The following KCND2 variants were observed in gnomAD, a reference collection of about 807,000 sequenced individuals.
KCND2 encodes A-type voltage-gated potassium channel KCND2.
In KCND2, 16 loss-of-function variants were observed where a neutral mutation model predicts 54.4. That is an observed-to-expected ratio of 0.29 (90% confidence interval 0.20 to 0.45). KCND2 has a LOEUF of 0.45. KCND2 is among the 20% of genes least tolerant of loss of function. The pLI is 1.00. For synonymous variants in KCND2, 317 were observed against 310.7 expected, an observed-to-expected ratio of 1.02 and a Z score of -0.21; for missense variants, 486 against 824.2, an observed-to-expected ratio of 0.59 and a Z score of 5.02.
At chr7:120,686,992 C>T (rs185253143) in intron 1 of KCND2, among the ~76,000 whole-genome samples, 2 of 152,256 alleles carry the variant, frequency 1.3e-5, no homozygotes, top group African/African-American at 2.4e-5. Flanking sequence ...CTGACAATCA[C>T]CTGATGGTCA....
intron 1 of KCND2, among the ~76,000 whole-genome samples, chr7:120,643,741 T>C (rs1290677175): frequency 1.3e-5 from 2 of 151,214 alleles, no homozygotes. Context: ...TGTCAAAAAA[T>C]ATATACACAC....
intron 1 of KCND2, among the ~76,000 whole-genome samples, chr7:120,372,142 G>A (rs1442715577): frequency 1.3e-5 from 2 of 151,828 alleles, no homozygotes; most frequent in Admixed American, 6.6e-5. Flanking sequence ...TAGATATAAG[G>A]TATAAGATCT....
At chr7:120,615,205 T>A (rs1793008532) in intron 1 of KCND2, among the ~76,000 whole-genome samples, 1 of 152,014 alleles carries the variant, frequency 6.6e-6, no homozygotes, top group African/African-American at 2.4e-5. Flanking sequence ...CTCTTCTTAG[T>A]TTTTTTTATT....
intron 1 of KCND2, among the ~76,000 whole-genome samples, chr7:120,703,111 G>A (rs544570398): frequency 6.6e-6 from 1 of 152,250 alleles, no homozygotes; most frequent in South Asian, 2.1e-4. Flanking sequence ...GGGTTAAATA[G>A]CAATGTTTAG....
intron 1 of KCND2, among the ~76,000 whole-genome samples, chr7:120,462,900 A>C (rs1004211705): frequency 2.0e-5 from 3 of 152,070 alleles, no homozygotes; most frequent in African/African-American, 7.2e-5. Context: ...AAATAACAGA[A>C]TACTAATAAT....
intron 1 of KCND2, among the ~76,000 whole-genome samples, chr7:120,577,710 C>T (rs768719494): frequency 6.6e-6 from 1 of 152,168 alleles, no homozygotes; most frequent in Non-Finnish European, 1.5e-5. Flanking sequence ...CTCAGCCTCT[C>T]ACGTAACTGG....
intron 1 of KCND2, among the ~76,000 whole-genome samples, chr7:120,441,619 G>A (rs2116194766): frequency 6.6e-6 from 1 of 152,074 alleles, no homozygotes; most frequent in East Asian, 1.9e-4. Flanking sequence ...GAGAAAATGG[G>A]ACATAGAAAA....
At chr7:120,530,198 A>G (rs1449807147) in intron 1 of KCND2, among the ~76,000 whole-genome samples, 1 of 152,230 alleles carries the variant, frequency 6.6e-6, no homozygotes, top group African/African-American at 2.4e-5. Context: ...GGATTCTTAT[A>G]ACACAAAGTA....
chr7:120,557,988 G>T (rs773478894), intron 1 of KCND2, among the ~76,000 whole-genome samples: 4 of 152,026 alleles, frequency 2.6e-5, no homozygotes, highest in Non-Finnish European at 5.9e-5. Flanking sequence ...GTCCTAATTG[G>T]CTAACTTTCT....
chr7:120,722,555 G>A (rs945247476), intron 1 of KCND2, among the ~76,000 whole-genome samples: 1 of 152,126 alleles, frequency 6.6e-6, no homozygotes, highest in Non-Finnish European at 1.5e-5. Flanking sequence ...AGATAAATAG[G>A]TGGCAAAATT....
chr7:120,638,518 C>T (rs557854222), intron 1 of KCND2, among the ~76,000 whole-genome samples: 34 of 152,202 alleles, frequency 2.2e-4, no homozygotes, highest in South Asian at 8.3e-4. Context: ...ATTTGCTTTA[C>T]CAACTTTCAA....
chr7:120,399,153 A>G (rs987906248), intron 1 of KCND2, among the ~76,000 whole-genome samples: 17 of 151,878 alleles, frequency 1.1e-4, no homozygotes, highest in Non-Finnish European at 2.4e-4. Context: ...AGTGTTGGCT[A>G]TTGTATATAC....
intron 1 of KCND2, among the ~76,000 whole-genome samples, chr7:120,590,078 C>T (rs1240549628): frequency 6.6e-6 from 1 of 151,996 alleles, no homozygotes; most frequent in Non-Finnish European, 1.5e-5. Flanking sequence ...GCAATGGCGG[C>T]GAACTCGATC....
intron 1 of KCND2, among the ~76,000 whole-genome samples, chr7:120,499,401 TA>T (rs1229844825): frequency 1.3e-5 from 2 of 151,650 alleles, no homozygotes; most frequent in East Asian, 1.9e-4. Flanking sequence ...GAAAACCACG[TA>T]TTTTTTTCCT....
chr7:120,716,383 C>G (rs1792603559), intron 1 of KCND2, among the ~76,000 whole-genome samples: 1 of 152,058 alleles, frequency 6.6e-6, no homozygotes. Context: ...TCTTTGCTCT[C>G]TTCTCCACAC....
intron 1 of KCND2, among the ~76,000 whole-genome samples, chr7:120,327,353 A>G (rs976838874): frequency 6.6e-6 from 1 of 152,124 alleles, no homozygotes; most frequent in Non-Finnish European, 1.5e-5. Flanking sequence ...AATTATTACT[A>G]AATTCAGAAT....
intron 1 of KCND2, among the ~76,000 whole-genome samples, chr7:120,647,923 T>TG (rs1793462577): frequency 6.6e-6 from 1 of 152,204 alleles, no homozygotes. Context: ...GATATAGATA[T>TG]TTATCTTGTT....
chr7:120,635,949 G>C (rs906191252), intron 1 of KCND2, among the ~76,000 whole-genome samples: 38 of 152,174 alleles, frequency 2.5e-4, no homozygotes, highest in African/African-American at 7.9e-4. Flanking sequence ...TCATTTGTTT[G>C]CCTGGGGCTA....
At chr7:120,453,226 A>G (rs934491425) in intron 1 of KCND2, among the ~76,000 whole-genome samples, 10 of 152,146 alleles carry the variant, frequency 6.6e-5, no homozygotes, top group Non-Finnish European at 1.5e-4. Flanking sequence ...CGCATGTACC[A>G]TGTCATACCA....
Sources: allele counts gnomAD v4.1 joint callset (sites outside exome capture counted in the v4.1 genomes callset), GRCh38; gene constraint gnomAD v4.1.1; transcripts MANE v1.5; gene names NCBI Gene and HGNC (gene_info 2026-07-23, HGNC 2026-07-21).